Variants in GOLPH3L observed in about 807,000 individuals in gnomAD.
GOLPH3L encodes Golgi phosphoprotein 3-like.
Under a neutral mutation model 30.3 loss-of-function variants are expected in GOLPH3L, and 22 were observed. That is an observed-to-expected ratio of 0.73 (90% CI 0.52 to 1.04). The LOEUF (loss-of-function observed/expected upper bound fraction) is 1.04. GOLPH3L is among the 50% of genes least tolerant of loss of function. GOLPH3L has a pLI of 0.00. For missense variants in GOLPH3L, 303 were observed against 345.8 expected, an observed-to-expected ratio of 0.88 and a Z score of 0.98; for synonymous variants, 120 against 128.2, an observed-to-expected ratio of 0.94 and a Z score of 0.43.
chr1:150,663,458 T>C (rs1650421094), intron 3 of GOLPH3L, among the ~76,000 whole-genome samples, 174 bp downstream of exon 3: 1 of 152,216 alleles, frequency 6.6e-6, no homozygotes, highest in African/African-American at 2.4e-5. Context: ...CTTTGGACTA[T>C]GGATACTTTG....
chr1:150,658,663 C>T (rs1012762498), intron 4 of GOLPH3L, among the ~76,000 whole-genome samples: 3 of 152,206 alleles, frequency 2.0e-5, no homozygotes, highest in Non-Finnish European at 2.9e-5. Flanking sequence ...GGATGTTTAG[C>T]TTGAATTGCA....
chr1:150,656,562 A>G (rs1240528331), intron 4 of GOLPH3L, among the ~76,000 whole-genome samples: 3 of 152,198 alleles, frequency 2.0e-5, no homozygotes, highest in African/African-American at 7.2e-5. Flanking sequence ...TAATTTTTCC[A>G]ACTCAGCATT....
At chr1:150,656,299 G>T (rs1289626091) in intron 4 of GOLPH3L, among the ~76,000 whole-genome samples, 2 of 152,110 alleles carry the variant, frequency 1.3e-5, no homozygotes, top group African/African-American at 4.8e-5. Context: ...ACAAGAAGTA[G>T]CCATACATAG....
At chr1:150,671,111 C>A (rs1039868547) in intron 2 of GOLPH3L, among the ~76,000 whole-genome samples, 3 of 151,568 alleles carry the variant, frequency 2.0e-5, no homozygotes, top group Non-Finnish European at 2.9e-5. Flanking sequence ...GCATGGTGGC[C>A]CGTGCCTGTA....
At position 150,663,712 on chromosome 1, in the gene GOLPH3L, T is replaced by C. The variant is rs1312020084; in HGVS notation, c.235A>G (p.Ile79Val). The part of the protein sequence containing the change: ...DCISSGLRGG[I>V]LIELAMRGRI... ...CCCCGCATGGCCAGCTCTATCAGGA[T>C]GCCCCCTCGCAGGCCTGATGATATG... Residue 79 changes from isoleucine (I) to valine (V), a missense_variant, in exon 3 of 5, where the codon ATC (isoleucine) becomes GTC (valine). Ile to Val is a conservative substitution (Grantham distance 29). Transcript: ENST00000271732. 21 of 1,612,910 alleles carry C rather than the reference T, an allele frequency of 1.3e-5. No individual in the cohort carries two copies. The highest frequency in any genetic ancestry group is 1.7e-5 in the Non-Finnish European group (20 of 1,179,008).
chr1:150,677,521 G>A (rs587725469), intron 2 of GOLPH3L, among the ~76,000 whole-genome samples: 3 of 151,910 alleles, frequency 2.0e-5, no homozygotes, highest in Non-Finnish European at 2.9e-5. Context: ...TTACAGGCGT[G>A]AGCCACCATG....
At chr1:150,689,852 G>T (rs1651169149) in intron 2 of GOLPH3L, among the ~76,000 whole-genome samples, 1 of 151,942 alleles carries the variant, frequency 6.6e-6, no homozygotes, top group African/African-American at 2.4e-5. Flanking sequence ...TGGCCAGGCT[G>T]GTCTCGAACT....
intron 2 of GOLPH3L, among the ~76,000 whole-genome samples, chr1:150,670,439 T>C (rs954413973): frequency 2.3e-4 from 35 of 151,498 alleles, no homozygotes; most frequent in African/African-American, 8.3e-4. Context: ...CTACTAAAAA[T>C]ACAAAAAATT....
chr1:150,673,111 A>G (rs1243003129), intron 2 of GOLPH3L, among the ~76,000 whole-genome samples: 1 of 152,150 alleles, frequency 6.6e-6, no homozygotes, highest in Non-Finnish European at 1.5e-5. Flanking sequence ...ATTCCCATAT[A>G]AGCTTTAAAT....
At chr1:150,693,906 C>T (rs1281971393) in intron 2 of GOLPH3L, among the ~76,000 whole-genome samples, 5 of 112,598 alleles carry the variant, frequency 4.4e-5, no homozygotes, top group African/African-American at 1.7e-4. Flanking sequence ...GTCATCCAGG[C>T]TGGAGTGCAG....
At chr1:150,693,021 G>A (rs1651247879) in intron 2 of GOLPH3L, among the ~76,000 whole-genome samples, 1 of 152,160 alleles carries the variant, frequency 6.6e-6, no homozygotes, top group South Asian at 2.1e-4. Context: ...TTCTCTTGGA[G>A]AGCTGGTTTT....
At chr1:150,673,334 C>T (rs587696920) in intron 2 of GOLPH3L, among the ~76,000 whole-genome samples, 28 of 152,006 alleles carry the variant, frequency 1.8e-4, no homozygotes, top group African/African-American at 6.0e-4. Flanking sequence ...GAAGCCGAGG[C>T]GGGCGGATCA....
intron 2 of GOLPH3L, among the ~76,000 whole-genome samples, chr1:150,683,097 CCTTGCATCAAGGAGGTACT>C (rs1190247441): frequency 6.6e-6 from 1 of 152,130 alleles, no homozygotes; most frequent in Non-Finnish European, 1.5e-5. Flanking sequence ...TTTCTCAGTG[CCTTGCATCAAGGAGGTACT>C]CAAGGCCGGG....
intron 2 of GOLPH3L, among the ~76,000 whole-genome samples, chr1:150,678,230 C>T (rs1348575722): frequency 1.7e-5 from 2 of 117,938 alleles, no homozygotes; most frequent in African/African-American, 3.3e-5. Flanking sequence ...ACCCGGGAGG[C>T]GGAGGTTTCA....
chr1:150,653,599 T>C (rs587602280), intron 4 of GOLPH3L, among the ~76,000 whole-genome samples: 1 of 151,794 alleles, frequency 6.6e-6, no homozygotes. Context: ...TAGCTGGGAC[T>C]ATAGGCATGT....
At position 150,646,565 on chromosome 1, in the gene GOLPH3L, T is replaced by C. The variant is rs887298342; in HGVS notation, c.*1756A>G. On this transcript the variant is annotated 3_prime_UTR_variant, in exon 5 of 5. Transcript: ENST00000271732. ...ATTCAGCCTCACATTTAGAGACTGTTTCCTATTACAATTTATATCTCTATT... is the reference window on the plus strand; with the variant it reads ...ATTCAGCCTCACATTTAGAGACTGTCTCCTATTACAATTTATATCTCTATT... 6.6e-6 allele frequency: 1 copy of C among 152,208 alleles called. No individual in the cohort carries two copies. The highest frequency in any genetic ancestry group is 2.4e-5 in the African/African-American group (1 of 41,452). 9.4% of individuals were successfully genotyped at this position (152,208 alleles called of 1,614,324 possible).
intron 4 of GOLPH3L, among the ~76,000 whole-genome samples, chr1:150,657,898 C>T (rs1419585812): frequency 6.6e-6 from 1 of 152,174 alleles, no homozygotes; most frequent in Non-Finnish European, 1.5e-5. Flanking sequence ...TGCCTAAAGG[C>T]CAGATGTTAG....
chr1:150,681,632 T>A (rs1463937600), intron 2 of GOLPH3L, among the ~76,000 whole-genome samples: 2 of 152,214 alleles, frequency 1.3e-5, no homozygotes, highest in Admixed American at 1.3e-4. Flanking sequence ...ATAATATACA[T>A]TTATTCAATG....
At chr1:150,694,573 A>T in intron 2 of GOLPH3L, 83 bp downstream of exon 2, 1 of 823,522 alleles carries the variant, frequency 1.2e-6, no homozygotes, top group Non-Finnish European at 1.9e-6. Flanking sequence ...ATTTATTATT[A>T]AATATATTCC....
Sources: gnomAD v4.1 joint callset for allele counts (sites outside exome capture counted in the v4.1 genomes callset) on GRCh38, gnomAD v4.1.1 for gene constraint, MANE v1.5 for transcripts, NCBI Gene and HGNC (gene_info 2026-07-23, HGNC 2026-07-21) for gene names.